Variants in RABGAP1L observed in about 807,000 individuals in gnomAD.
The protein encoded by RABGAP1L is RAB GTPase activating protein 1 like.
A neutral mutation model predicts 137.7 loss-of-function variants in RABGAP1L; 63 were observed. The ratio of observed to expected loss-of-function variants is 0.46; its 90% CI spans 0.37 to 0.56. The LOEUF (loss-of-function observed/expected upper bound fraction) is 0.56, where lower values mean the gene tolerates loss of function less well. RABGAP1L is among the 20% of genes least tolerant of loss of function. RABGAP1L has a pLI of 0.00. For missense variants in RABGAP1L, 1,095 were observed against 1,244.0 expected (o/e 0.88, Z 1.80); for synonymous variants, 431 against 433.7 (o/e 0.99, Z 0.08).
At chr1:174,779,068 A>G (rs1686753081) in intron 18 of RABGAP1L, among the ~76,000 whole-genome samples, 1 of 152,202 alleles carries the variant, frequency 6.6e-6, no homozygotes, top group Non-Finnish European at 1.5e-5. Context: ...CTTCAGGGAT[A>G]CCATTCCCAT....
chr1:174,393,766 A>G (rs1647455225), intron 12 of RABGAP1L, among the ~76,000 whole-genome samples: 2 of 152,184 alleles, frequency 1.3e-5, no homozygotes, highest in Non-Finnish European at 1.5e-5. Flanking sequence ...AAGAAGAACA[A>G]GCTTTTCCTG....
At chr1:174,308,574 T>A (rs1028517930) in intron 11 of RABGAP1L, among the ~76,000 whole-genome samples, 2 of 152,068 alleles carry the variant, frequency 1.3e-5, no homozygotes, top group African/African-American at 2.4e-5. Context: ...TAATCTCTAA[T>A]TTCATTCTTC....
chr1:174,894,378 G>A (rs1479497537), intron 19 of RABGAP1L, among the ~76,000 whole-genome samples: 2 of 152,186 alleles, frequency 1.3e-5, no homozygotes. Flanking sequence ...ATCTATAAAT[G>A]TGTAGTCCAA....
At chr1:174,227,111 C>T (rs28399009) in intron 3 of RABGAP1L, among the ~76,000 whole-genome samples, 20 of 151,682 alleles carry the variant, frequency 1.3e-4, no homozygotes, top group African/African-American at 4.8e-4. Flanking sequence ...TGTATAAATA[C>T]TTGCATAATA....
chr1:174,596,571 C>G (rs1308796140), intron 13 of RABGAP1L, among the ~76,000 whole-genome samples: 2 of 152,076 alleles, frequency 1.3e-5, no homozygotes, highest in African/African-American at 2.4e-5. Context: ...ATTTTATATC[C>G]TGTAATTTTA....
At chr1:174,784,889 T>G (rs564429273) in intron 18 of RABGAP1L, among the ~76,000 whole-genome samples, 6 of 152,156 alleles carry the variant, frequency 3.9e-5, no homozygotes, top group Non-Finnish European at 8.8e-5. Flanking sequence ...TCTTGATTAT[T>G]AAATCATAAG....
At chr1:174,628,085 C>T (rs1435459474) in intron 13 of RABGAP1L, among the ~76,000 whole-genome samples, 1 of 152,096 alleles carries the variant, frequency 6.6e-6, no homozygotes, top group Non-Finnish European at 1.5e-5. Context: ...TATTTGTGTA[C>T]ATCTTTCTTT....
intron 13 of RABGAP1L, among the ~76,000 whole-genome samples, chr1:174,516,124 C>T (rs933800648): frequency 5.7e-5 from 7 of 122,506 alleles, no homozygotes; most frequent in African/African-American, 2.3e-4. Flanking sequence ...AAGCTCTACA[C>T]ACACACACAC....
chr1:174,964,665 A>G (rs558133010), intron 20 of RABGAP1L: 1 of 501,374 alleles, frequency 2.0e-6, no homozygotes, highest in African/African-American at 2.0e-5. Flanking sequence ...AGTCCCACAT[A>G]CAGCATTTTA....
At chr1:174,255,637 G>T (rs964924894) in intron 7 of RABGAP1L, among the ~76,000 whole-genome samples, 1 of 152,140 alleles carries the variant, frequency 6.6e-6, no homozygotes, top group African/African-American at 2.4e-5. Flanking sequence ...CTATTCTCCT[G>T]CCTCAGCCTT....
intron 17 of RABGAP1L, among the ~76,000 whole-genome samples, chr1:174,731,076 G>A (rs1393813955): frequency 6.6e-6 from 1 of 152,168 alleles, no homozygotes; most frequent in Non-Finnish European, 1.5e-5. Flanking sequence ...CTGGGTTCAA[G>A]CTATTCTCCT....
chr1:174,632,361 A>T (rs1223507179), intron 13 of RABGAP1L, among the ~76,000 whole-genome samples: 5 of 145,294 alleles, frequency 3.4e-5, no homozygotes, highest in Admixed American at 2.7e-4. Flanking sequence ...GAATCTGAGA[A>T]TTATGTGTCT....
chr1:174,679,498 C>G (rs547011682), intron 14 of RABGAP1L, among the ~76,000 whole-genome samples: 2 of 152,158 alleles, frequency 1.3e-5, no homozygotes, highest in Admixed American at 1.3e-4. Flanking sequence ...CAATGTTTGA[C>G]TTCTAAGATC....
intron 1 of RABGAP1L, among the ~76,000 whole-genome samples, chr1:174,162,272 T>C (rs563816484): frequency 6.6e-6 from 1 of 152,160 alleles, no homozygotes; most frequent in Non-Finnish European, 1.5e-5. Flanking sequence ...AAAACTTGAA[T>C]TTTTTTCTTT....
At position 174,670,368 on chromosome 1, in the gene RABGAP1L, G is replaced by T. The variant is rs574174952; in HGVS notation, c.1825-13154G>T. Among the ~76,000 whole-genome samples the T allele has an allele frequency of 3.3e-5, 5 of 152,166 alleles. No individual in the cohort carries two copies. In the East Asian group the frequency reaches 9.6e-4, roughly 29 times the overall value. On this transcript the variant is annotated intron_variant, in intron 14 of 25. Transcript: ENST00000681986. ...ATGGAGAATGGGGTATTCATGCTCA[G>T]AAGCATTTATACTTTGTGTTGTAAA... is the stretch of plus-strand genomic sequence containing the variant.
In RABGAP1L at chr1:174,650,617, T is replaced by C. The variant is rs200643410; in HGVS notation, c.1824+13129T>C. On this transcript the variant is annotated intron_variant, in intron 14 of 25. Transcript: ENST00000681986. ...TTTCTTCTAGATTTTCTAGTTTATTTGTGTAGAGGTATTTGTAGTATTCTC... is the reference window on the plus strand; with the variant it reads ...TTTCTTCTAGATTTTCTAGTTTATTCGTGTAGAGGTATTTGTAGTATTCTC... 3.3e-4 allele frequency among the ~76,000 whole-genome samples: 50 copies of C among 152,228 alleles called. No homozygotes were observed. In the East Asian group the frequency reaches 7.9e-3, roughly 24 times the overall value.
At chr1:174,169,292 T>C (rs1665156084) in intron 1 of RABGAP1L, among the ~76,000 whole-genome samples, 1 of 151,982 alleles carries the variant, frequency 6.6e-6, no homozygotes, top group Non-Finnish European at 1.5e-5. Flanking sequence ...TGATCTTGGC[T>C]CACTGCAGCC....
At chr1:174,403,525 G>A (rs980486219) in intron 13 of RABGAP1L, among the ~76,000 whole-genome samples, 15 of 151,934 alleles carry the variant, frequency 9.9e-5, no homozygotes, top group African/African-American at 3.6e-4. Flanking sequence ...AGTATCTACC[G>A]GGATTTTTGT....
chr1:174,892,701 C>A, intron 19 of RABGAP1L: 1 of 515,550 alleles, frequency 1.9e-6, no homozygotes, highest in South Asian at 1.5e-5. Context: ...ATTGCTATTG[C>A]TTCAGGCTAC....
Sources: gnomAD v4.1 joint callset for allele counts (sites outside exome capture counted in the v4.1 genomes callset) on GRCh38, gnomAD v4.1.1 for gene constraint, MANE v1.5 for transcripts, NCBI Gene and HGNC (gene_info 2026-07-23, HGNC 2026-07-21) for gene names.